VWF: variants seen among roughly 807,000 people sequenced by gnomAD.
VWF encodes the protein von Willebrand factor, also known as Factor VIII related antigen.
A neutral mutation model predicts 308.6 loss-of-function variants in VWF; 176 were observed. The observed-to-expected ratio is 0.57, with a 90% CI of 0.50 to 0.65. The LOEUF (loss-of-function observed/expected upper bound fraction) is 0.65, where lower values mean the gene tolerates loss of function less well. Among genes scored for constraint, VWF ranks in the 30% least tolerant of loss-of-function variants. The pLI, the probability that VWF is intolerant of heterozygous loss-of-function variation, is 0.00. For synonymous variants in VWF, 1,385 were observed against 1,443.4 expected, an observed-to-expected ratio of 0.96 and a Z score of 0.92; for missense variants, 3,146 against 3,648.2, an observed-to-expected ratio of 0.86 and a Z score of 3.55.
At chr12:6,116,782 C>T (rs1945371529) in intron 3 of VWF, among the ~76,000 whole-genome samples, 1 of 152,182 alleles carries the variant, frequency 6.6e-6, no homozygotes, top group African/African-American at 2.4e-5. Context: ...CACCAGGTGG[C>T]CCTTCGTGTG....
rs1266431336 is a variant in VWF, at chr12:6,073,675, C to T, written c.941G>A (p.Ser314Asn). The stretch of plus-strand genomic sequence containing the variant: ...CTGACACATTTCATTGATGTGCAGG[C>T]TCTGGCAGGTCCTGGCGCAAGGGGA... Reference protein sequence around the residue: ...CVSPCARTCQSLHINEMCQER... With the variant: ...CVSPCARTCQNLHINEMCQER... Residue 314 changes from serine to asparagine, a missense_variant, in exon 8 of 52, where the codon AGC (serine) becomes AAC (asparagine). Coordinates refer to ENST00000261405, the MANE Select transcript of VWF (RefSeq NM_000552.5). 2 of 1,614,134 alleles carry T rather than the reference C, an allele frequency of 1.2e-6. No homozygotes were observed. The highest frequency in any genetic ancestry group is 1.1e-5 in the South Asian group (1 of 91,072).
intron 18 of VWF, among the ~76,000 whole-genome samples, chr12:6,039,353 C>T (rs763806242): frequency 1.4e-4 from 21 of 152,206 alleles, no homozygotes; most frequent in Non-Finnish European, 2.6e-4. Flanking sequence ...TGTTACCTTT[C>T]TCTGAAAAGG....
intron 3 of VWF, among the ~76,000 whole-genome samples, chr12:6,118,292 A>G (rs1175311561): frequency 6.6e-6 from 1 of 151,578 alleles, no homozygotes; most frequent in Non-Finnish European, 1.5e-5. Flanking sequence ...AGCTGAACTA[A>G]CAGAGATTAT....
At chr12:5,987,350 T>C (rs892826086) in intron 38 of VWF, among the ~76,000 whole-genome samples, 1 of 152,232 alleles carries the variant, frequency 6.6e-6, no homozygotes, top group South Asian at 2.1e-4. Flanking sequence ...ATAATAACAC[T>C]ACCAGATAAG....
intron 22 of VWF, among the ~76,000 whole-genome samples, chr12:6,027,882 A>C (rs1039021940): frequency 3.4e-5 from 5 of 146,874 alleles, no homozygotes; most frequent in South Asian, 2.1e-4. Flanking sequence ...ACACACACAC[A>C]CCCCTAAACA....
At chr12:6,049,709 T>C (rs754995593) in intron 16 of VWF, among the ~76,000 whole-genome samples, 2 of 152,230 alleles carry the variant, frequency 1.3e-5, no homozygotes, top group Non-Finnish European at 2.9e-5. Context: ...CAGTGTTGTT[T>C]TAAGGTCCCA....
intron 17 of VWF, 87 bp from the exon 18 acceptor site, chr12:6,044,538 T>C: frequency 6.6e-7 from 1 of 1,509,580 alleles, no homozygotes; most frequent in Non-Finnish European, 9.0e-7. Context: ...CTAGAGTCTG[T>C]GACTAAATTC....
intron 21 of VWF, 56 bp downstream of exon 21, chr12:6,031,388 A>G (rs750765453): frequency 3.5e-5 from 57 of 1,613,848 alleles, no homozygotes; most frequent in African/African-American, 6.7e-5. Context: ...AAATGTTCCT[A>G]TTAAGTGGCA....
Position 5,968,131 on chromosome 12 carries a change from A to G in VWF, c.7766T>C (p.Ile2589Thr), listed in dbSNP as rs374131634. The change falls in exon 46 of 52, where the codon ATT becomes ACT. Residue 2589 changes from isoleucine (I) to threonine (T), a missense_variant. Ile to Thr is a moderately conservative substitution (Grantham distance 89). This residue lies in a region of VWF where 989 missense variants were observed against 1,117.4 expected (regional missense o/e 0.89). Transcript: ENST00000261405. ...GAGAAGAGGACAGCGGCTCACCCCAATGACAGTGCCATTGAGCATGCAGGC... is the reference window on the plus strand; with the variant it reads ...GAGAAGAGGACAGCGGCTCACCCCAGTGACAGTGCCATTGAGCATGCAGGC... ...MEACMLNGTV[I>T]GPGKTVMIDV... 8.1e-6 allele frequency: 13 copies of G among 1,613,830 alleles called. No individual in the cohort carries two copies. The highest frequency in any genetic ancestry group is 1.6e-4 in the Middle Eastern group (1 of 6,082).
At chr12:6,109,902 G>A (rs1028399622) in intron 5 of VWF, among the ~76,000 whole-genome samples, 6 of 152,122 alleles carry the variant, frequency 3.9e-5, no homozygotes, top group East Asian at 1.9e-4. Context: ...CGCCTGCCTC[G>A]GCCTCCCAAA....
intron 35 of VWF, 137 bp downstream of exon 35, chr12:5,995,865 T>G: frequency 1.3e-6 from 1 of 788,730 alleles, no homozygotes; most frequent in Non-Finnish European, 2.1e-6. Flanking sequence ...TCTAAGAAAG[T>G]GGTACTCCTC....
chr12:5,993,755 A>C (rs1375926990), intron 37 of VWF, 107 bp downstream of exon 37: 1 of 996,206 alleles, frequency 1.0e-6, no homozygotes, highest in Non-Finnish European at 1.5e-6. Context: ...TACGAAATAC[A>C]GGGATTTTCA....
At chr12:5,968,193 A>G in intron 45 of VWF, 26 bp from the exon 46 acceptor site, 1 of 1,613,730 alleles carries the variant, frequency 6.2e-7, no homozygotes, top group Non-Finnish European at 8.5e-7. Flanking sequence ...GTGCAGAGTG[A>G]GAGTGGGCAA....
chr12:5,967,966 G>A (rs1370217879), intron 46 of VWF, among the ~76,000 whole-genome samples, 161 bp downstream of exon 46: 1 of 152,200 alleles, frequency 6.6e-6, no homozygotes, highest in African/African-American at 2.4e-5. Context: ...CCTAGCCTGG[G>A]CTCCATGATG....
In VWF at chr12:5,996,228, CAG is replaced by C; in HGVS notation, c.5843-8_5843-7del. 6.2e-7 allele frequency: 1 copy of C among 1,606,534 alleles called. No homozygotes were observed. Among genetic ancestry groups the C allele is most frequent in the Non-Finnish European group, 8.5e-7 (1 of 1,176,406 alleles). Reference sequence around the variant, plus strand: ...GGAGCTGCCTGTGCACACGCCTGGACAGAGAGAAGCAGAGGATGGATGCGACG... The same window carrying C: ...GGAGCTGCCTGTGCACACGCCTGGACAGAGAAGCAGAGGATGGATGCGACG... On this transcript the variant is annotated splice_polypyrimidine_tract_variant and splice_region_variant and intron_variant, in intron 34 of 51. Coordinates refer to ENST00000261405, the MANE Select transcript of VWF (RefSeq NM_000552.5).
chr12:6,014,963 G>A (rs545142702), intron 31 of VWF, among the ~76,000 whole-genome samples: 1 of 152,272 alleles, frequency 6.6e-6, no homozygotes, highest in Admixed American at 6.5e-5. Context: ...TGATACTGAA[G>A]GAGAAAAAAT....
chr12:5,950,317 G>A (rs953241923), intron 50 of VWF, among the ~76,000 whole-genome samples: 2 of 152,104 alleles, frequency 1.3e-5, no homozygotes, highest in Non-Finnish European at 2.9e-5. Context: ...GAGGAAAGGC[G>A]AAGTCATGGT....
chr12:5,965,041 G>A (rs1943385170), intron 47 of VWF, among the ~76,000 whole-genome samples: 1 of 152,204 alleles, frequency 6.6e-6, no homozygotes, highest in South Asian at 2.1e-4. Flanking sequence ...TTTGGGCACT[G>A]CTGGATTTCC....
intron 6 of VWF, among the ~76,000 whole-genome samples, chr12:6,077,431 C>T (rs930791633): frequency 3.9e-5 from 6 of 152,206 alleles, no homozygotes; most frequent in Non-Finnish European, 8.8e-5. Context: ...CTCTGCGTCT[C>T]GGGGCCAACA....
Sources: allele counts gnomAD v4.1 joint callset (sites outside exome capture counted in the v4.1 genomes callset), GRCh38; gene constraint gnomAD v4.1.1; regional missense constraint gnomAD v4.1.1; transcripts MANE v1.5; gene names NCBI Gene and HGNC (gene_info 2026-07-23, HGNC 2026-07-21).